CUX1: variants seen among roughly 807,000 people sequenced by gnomAD.
The protein encoded by CUX1 is protein CASP.
Under a neutral mutation model 158.8 loss-of-function variants are expected in CUX1, and 31 were observed. The ratio of observed to expected loss-of-function variants is 0.20; its 90% CI spans 0.15 to 0.26. CUX1 has a LOEUF of 0.26. CUX1 is among the 10% of genes least tolerant of loss of function. The pLI, the probability that CUX1 is intolerant of heterozygous loss-of-function variation, is 1.00. For synonymous variants in CUX1, 879 were observed against 862.1 expected (o/e 1.02, Z -0.34); for missense variants, 1,589 against 2,014.6 (o/e 0.79, Z 4.04).
chr7:101,979,163 A>G (rs1188928492), intron 2 of CUX1, among the ~76,000 whole-genome samples: 1 of 152,022 alleles, frequency 6.6e-6, no homozygotes, highest in Non-Finnish European at 1.5e-5. Flanking sequence ...CACTCAGAAA[A>G]CCTTCCAGGA....
intron 5 of CUX1, among the ~76,000 whole-genome samples, chr7:102,098,510 C>T (rs1275699925): frequency 6.6e-6 from 1 of 152,074 alleles, no homozygotes; most frequent in Non-Finnish European, 1.5e-5. Flanking sequence ...ACTCAAGAGG[C>T]TGAGGCGGGA....
At chr7:102,081,879 G>A (rs534716148) in intron 4 of CUX1, among the ~76,000 whole-genome samples, 8 of 146,592 alleles carry the variant, frequency 5.5e-5, no homozygotes, top group African/African-American at 1.5e-4. Context: ...GTCCGCCTCC[G>A]CCTCCCAAAG....
intron 4 of CUX1, among the ~76,000 whole-genome samples, chr7:102,072,674 C>A (rs755287158): frequency 2.0e-5 from 3 of 152,090 alleles, no homozygotes; most frequent in African/African-American, 7.2e-5. Context: ...GTTTTTCCTT[C>A]GATTTAGTTC....
intron 3 of CUX1, among the ~76,000 whole-genome samples, chr7:102,048,953 A>T (rs1023689160): frequency 3.9e-5 from 6 of 152,092 alleles, no homozygotes; most frequent in African/African-American, 1.2e-4. Flanking sequence ...TGTCTGTTTC[A>T]TCTGTTCCCC....
At chr7:102,094,186 C>G (rs1352697149) in intron 4 of CUX1, among the ~76,000 whole-genome samples, 2 of 152,142 alleles carry the variant, frequency 1.3e-5, no homozygotes, top group African/African-American at 4.8e-5. Flanking sequence ...AAAAATTAAG[C>G]CTAAGAAGTT....
chr7:102,217,211 T>A (rs1392894954), intron 20 of CUX1, among the ~76,000 whole-genome samples: 1 of 152,232 alleles, frequency 6.6e-6, no homozygotes, highest in Non-Finnish European at 1.5e-5. Flanking sequence ...CCAGACTGAG[T>A]TCACTACCAA....
chr7:102,098,850 G>A (rs1829479959), intron 5 of CUX1, among the ~76,000 whole-genome samples: 1 of 117,166 alleles, frequency 8.5e-6, no homozygotes, highest in Admixed American at 9.8e-5. Flanking sequence ...AAGTAGAGAC[G>A]GGATTTCACC....
intron 7 of CUX1, among the ~76,000 whole-genome samples, chr7:102,112,236 C>CTT (rs1830975086): frequency 7.6e-6 from 1 of 130,728 alleles, no homozygotes; most frequent in African/African-American, 3.0e-5. Context: ...ACTTCTTTCT[C>CTT]TCTCTCTTTT....
intron 10 of CUX1, among the ~76,000 whole-genome samples, chr7:102,171,151 ACT>A (rs1791674136): frequency 6.6e-6 from 1 of 151,794 alleles, no homozygotes; most frequent in Non-Finnish European, 1.5e-5. Context: ...GGGTTTCCAG[ACT>A]CTCTTTCAAT....
intron 2 of CUX1, among the ~76,000 whole-genome samples, chr7:101,956,076 G>A (rs1055407474): frequency 2.0e-5 from 3 of 149,604 alleles, no homozygotes; most frequent in Non-Finnish European, 4.4e-5. Context: ...CAGCTACTCG[G>A]GAGGCTGAGG....
At chr7:101,824,513 A>G (rs968514650) in intron 1 of CUX1, 1 of 152,256 alleles carries the variant, frequency 6.6e-6, no homozygotes, top group African/African-American at 2.4e-5. Context: ...ATAATTTGAT[A>G]AAAGGTAGCA....
At chr7:102,214,996 A>G (rs1460625083) in intron 20 of CUX1, among the ~76,000 whole-genome samples, 2 of 152,128 alleles carry the variant, frequency 1.3e-5, no homozygotes, top group African/African-American at 2.4e-5. Flanking sequence ...GGAACATTCT[A>G]TTTGATAAGG....
In CUX1 at chr7:102,090,749, C is replaced by T. The variant is rs368398694; in HGVS notation, c.269-6615C>T. 1.5e-4 allele frequency among the ~76,000 whole-genome samples: 22 copies of T among 147,028 alleles called. 1 individual carries two copies. In the East Asian group the frequency reaches 3.0e-3, roughly 20 times the overall value. On this transcript the variant is annotated intron_variant, in intron 4 of 23. Transcript: ENST00000292535. ...TGCATTTCTTATATTAATTAACAAACGATTTGAAACTTCTTTTGGCAAATG... is the reference window on the plus strand; with the variant it reads ...TGCATTTCTTATATTAATTAACAAATGATTTGAAACTTCTTTTGGCAAATG...
intron 8 of CUX1, among the ~76,000 whole-genome samples, chr7:102,117,827 C>T (rs1054914961): frequency 3.3e-5 from 5 of 152,168 alleles, no homozygotes; most frequent in East Asian, 1.9e-4. Context: ...CCAGAGGTTC[C>T]GAACGATTTG....
At chr7:101,827,115 A>G (rs1286232443) in intron 1 of CUX1, among the ~76,000 whole-genome samples, 6 of 152,118 alleles carry the variant, frequency 3.9e-5, no homozygotes, top group African/African-American at 1.2e-4. Flanking sequence ...GCAAAGTAAC[A>G]TAAGTGTTGG....
intron 20 of CUX1, among the ~76,000 whole-genome samples, chr7:102,223,746 G>A (rs1169943562): frequency 6.6e-6 from 1 of 152,084 alleles, no homozygotes; most frequent in African/African-American, 2.4e-5. Flanking sequence ...AGGTGGGCGG[G>A]TCATCTAAGG....
intron 2 of CUX1, among the ~76,000 whole-genome samples, chr7:101,994,354 A>G (rs1382845596): frequency 6.6e-6 from 1 of 152,220 alleles, no homozygotes; most frequent in East Asian, 1.9e-4. Flanking sequence ...TCTAATCCCC[A>G]GCAGTTTGGG....
chr7:102,283,261 C>T (rs1236270647), exon 23 of CUX1: 10 of 637,978 alleles, frequency 1.6e-5, no homozygotes, highest in South Asian at 3.5e-5. Flanking sequence ...AAGAATGTCT[C>T]GGTCACATCA....
At chr7:102,180,839 T>TG (rs1266641413) in intron 11 of CUX1, among the ~76,000 whole-genome samples, 3 of 151,776 alleles carry the variant, frequency 2.0e-5, no homozygotes, top group African/African-American at 7.2e-5. Context: ...CTGCCGACTT[T>TG]GGGGAAATGG....
Sources: allele counts gnomAD v4.1 joint callset (sites outside exome capture counted in the v4.1 genomes callset), GRCh38; gene constraint gnomAD v4.1.1; transcripts MANE v1.5; gene names NCBI Gene and HGNC (gene_info 2026-07-23, HGNC 2026-07-21).